DTNA: variants seen among roughly 807,000 people sequenced by gnomAD.
The protein encoded by DTNA is dystrophin-related protein 3.
In DTNA, 43 loss-of-function variants were observed where a neutral mutation model predicts 100.7. That is an observed-to-expected ratio of 0.43 (90% CI 0.33 to 0.55). DTNA has a LOEUF of 0.55. DTNA is among the 20% of genes least tolerant of loss of function. The probability of loss-of-function intolerance (pLI) is 0.04; values close to 1 mark genes in which losing one functional copy is unlikely to be tolerated. For synonymous variants in DTNA, 349 were observed against 347.9 expected, an observed-to-expected ratio of 1.00 and a Z score of -0.04; for missense variants, 798 against 953.9, an observed-to-expected ratio of 0.84 and a Z score of 2.15.
chr18:34,526,339 A>G (rs1450777405), intron 1 of DTNA, among the ~76,000 whole-genome samples: 1 of 152,136 alleles, frequency 6.6e-6, no homozygotes, highest in Non-Finnish European at 1.5e-5. Flanking sequence ...AGTCAGTATC[A>G]TCATTAGGAG....
intron 1 of DTNA, among the ~76,000 whole-genome samples, chr18:34,535,087 G>A (rs1297693412): frequency 2.0e-5 from 3 of 152,150 alleles, no homozygotes; most frequent in African/African-American, 7.2e-5. Context: ...CACAATGGTT[G>A]AACTAATTTA....
At chr18:34,758,876 T>C (rs995559335) in intron 2 of DTNA, among the ~76,000 whole-genome samples, 2 of 152,030 alleles carry the variant, frequency 1.3e-5, no homozygotes, top group Admixed American at 6.6e-5. Context: ...ATAAGAAAAA[T>C]GGATAAGAAA....
chr18:34,883,925 T>C (rs2096897977), intron 21 of DTNA, among the ~76,000 whole-genome samples: 1 of 152,202 alleles, frequency 6.6e-6, no homozygotes, highest in South Asian at 2.1e-4. Context: ...TGACTCTATA[T>C]GTAGAGCCGT....
intron 1 of DTNA, among the ~76,000 whole-genome samples, chr18:34,594,944 G>C (rs1261589954): frequency 6.6e-6 from 1 of 152,178 alleles, no homozygotes. Context: ...AATGTACTAA[G>C]TCCCCCAGTA....
At chr18:34,740,791 G>A (rs1327579040) in intron 1 of DTNA, among the ~76,000 whole-genome samples, 1 of 149,940 alleles carries the variant, frequency 6.7e-6, no homozygotes, top group Non-Finnish European at 1.5e-5. Flanking sequence ...GTGAGATGCT[G>A]TCTCAAAAAC....
At chr18:34,857,972 A>T (rs1555877758) in intron 15 of DTNA, among the ~76,000 whole-genome samples, 14 of 152,178 alleles carry the variant, frequency 9.2e-5, no homozygotes, top group Non-Finnish European at 2.1e-4. Context: ...CTTACTTGCT[A>T]GTAGTAATGC....
At chr18:34,784,668 A>G (rs549738440) in intron 3 of DTNA, among the ~76,000 whole-genome samples, 11 of 152,302 alleles carry the variant, frequency 7.2e-5, no homozygotes, top group African/African-American at 2.6e-4. Flanking sequence ...CAGTTAGGTC[A>G]TCTGAGTGTG....
chr18:34,851,970 G>A (rs200445103), intron 15 of DTNA, 42 bp downstream of exon 15: 19 of 1,588,920 alleles, frequency 1.2e-5, no homozygotes, highest in African/African-American at 6.7e-5. Flanking sequence ...ATCAATGTGC[G>A]CATTCCTTAA....
intron 21 of DTNA, 114 bp from the exon 22 acceptor site, chr18:34,884,614 C>G (rs536527652): frequency 3.3e-6 from 3 of 900,392 alleles, no homozygotes; most frequent in Non-Finnish European, 5.3e-6. Flanking sequence ...ACTCAATAGA[C>G]TCTCTCTCTC....
intron 1 of DTNA, among the ~76,000 whole-genome samples, chr18:34,666,457 T>TG (rs2075944452): frequency 6.6e-6 from 1 of 152,024 alleles, no homozygotes; most frequent in Non-Finnish European, 1.5e-5. Context: ...TGGCTTTTGT[T>TG]GCCATTGCTT....
At chr18:34,561,767 A>G (rs2046657083) in intron 1 of DTNA, among the ~76,000 whole-genome samples, 1 of 152,190 alleles carries the variant, frequency 6.6e-6, no homozygotes, top group African/African-American at 2.4e-5. Context: ...GTTAGAGAAA[A>G]AGGTTATAAA....
At chr18:34,647,553 A>G (rs2059989150) in intron 1 of DTNA, among the ~76,000 whole-genome samples, 1 of 152,194 alleles carries the variant, frequency 6.6e-6, no homozygotes, top group Non-Finnish European at 1.5e-5. Context: ...CGTGCCAGGA[A>G]GAGGAGAACA....
intron 3 of DTNA, among the ~76,000 whole-genome samples, chr18:34,770,012 C>T (rs570135858): frequency 2.3e-4 from 35 of 151,990 alleles, no homozygotes; most frequent in Non-Finnish European, 3.8e-4. Context: ...TGAGCCACAA[C>T]GCCTGGCCTG....
At chr18:34,549,660 T>C (rs1266293927) in intron 1 of DTNA, among the ~76,000 whole-genome samples, 1 of 152,110 alleles carries the variant, frequency 6.6e-6, no homozygotes, top group Non-Finnish European at 1.5e-5. Context: ...TTTCCTATCT[T>C]ATTTCACAAT....
At chr18:34,608,897 T>C (rs1274781253) in intron 1 of DTNA, among the ~76,000 whole-genome samples, 1 of 152,228 alleles carries the variant, frequency 6.6e-6, no homozygotes, top group Non-Finnish European at 1.5e-5. Context: ...CTATTGTATA[T>C]TGGATCTCAG....
At chr18:34,842,779 C>G (rs2096293379) in intron 13 of DTNA, among the ~76,000 whole-genome samples, 1 of 152,144 alleles carries the variant, frequency 6.6e-6, no homozygotes, top group Non-Finnish European at 1.5e-5. Flanking sequence ...ATATTAGTCT[C>G]TATTATAGCA....
intron 17 of DTNA, chr18:34,866,997 T>A: frequency 8.3e-7 from 1 of 1,202,170 alleles, no homozygotes; most frequent in Non-Finnish European, 1.0e-6. Flanking sequence ...AAAAACAAAT[T>A]AAATTAAATT....
intron 3 of DTNA, among the ~76,000 whole-genome samples, chr18:34,771,941 T>C (rs371065976): frequency 7.7e-5 from 11 of 142,888 alleles, no homozygotes; most frequent in African/African-American, 2.8e-4. Flanking sequence ...CCAGATACCC[T>C]GTAATGTCAG....
intron 1 of DTNA, among the ~76,000 whole-genome samples, chr18:34,496,780 G>T (rs1321840209): frequency 6.6e-6 from 1 of 152,204 alleles, no homozygotes; most frequent in Admixed American, 6.5e-5. Flanking sequence ...AGACATGGAG[G>T]TCAGAACAAG....
Sources: allele counts gnomAD v4.1 joint callset (sites outside exome capture counted in the v4.1 genomes callset), GRCh38; gene constraint gnomAD v4.1.1; transcripts MANE v1.5; gene names NCBI Gene and HGNC (gene_info 2026-07-23, HGNC 2026-07-21).